The following CDC16 variants were observed in gnomAD, a reference collection of about 807,000 sequenced individuals.
The protein encoded by CDC16 is cell division cycle 16.
Under a neutral mutation model 87.0 loss-of-function variants are expected in CDC16, and 34 were observed. The observed-to-expected ratio is 0.39, with a 90% confidence interval of 0.30 to 0.52. The LOEUF is 0.52. Ranked by LOEUF, CDC16 falls within the 20% of genes least tolerant of loss-of-function variation. CDC16 has a pLI of 0.74. For synonymous variants in CDC16, 263 were observed against 260.6 expected (o/e 1.01, Z -0.09); for missense variants, 653 against 751.9 (o/e 0.87, Z 1.54).
chr13:114,251,846 C>T (rs533753003), intron 12 of CDC16, among the ~76,000 whole-genome samples: 3 of 152,350 alleles, frequency 2.0e-5, no homozygotes, highest in South Asian at 4.1e-4. Flanking sequence ...TCTGGTGTCT[C>T]TTCCTCTTGT....
intron 14 of CDC16, among the ~76,000 whole-genome samples, 180 bp downstream of exon 14, chr13:114,259,578 T>C (rs771882692): frequency 6.6e-6 from 1 of 152,182 alleles, no homozygotes; most frequent in African/African-American, 2.4e-5. Context: ...AGAAATGAGT[T>C]TTTTCCCTAA....
intron 12 of CDC16, among the ~76,000 whole-genome samples, chr13:114,255,036 CTACCTGT>C (rs1431400594): frequency 6.6e-6 from 1 of 152,110 alleles, no homozygotes; most frequent in African/African-American, 2.4e-5. Flanking sequence ...AATCTTAAAT[CTACCTGT>C]TACCTGGAAG....
rs144801022 is a variant in CDC16 at position 114,259,369 on chromosome 13, T to G, written c.1285T>G (p.Leu429Val). The G allele has an allele frequency of 1.5e-5, 23 of 1,576,368 alleles. No individual in the cohort carries two copies. In the African/African-American group the frequency reaches 2.5e-4, roughly 17 times the overall value. ...AGCCGAAAAATGGTTTCTTGATGCTTTGGAAAAAATTAAAGCAATTGGGAA... is the reference window on the plus strand; with the variant it reads ...AGCCGAAAAATGGTTTCTTGATGCTGTGGAAAAAATTAAAGCAATTGGGAA... The part of the protein sequence containing the change: ...KTAEKWFLDA[L>V]EKIKAIGNEV... The change falls in exon 14 of 18, where the codon TTG becomes GTG. Residue 429 changes from leucine to valine, a missense_variant. Transcript: ENST00000356221.
At chr13:114,242,008 C>A in intron 5 of CDC16, 113 bp from the exon 6 acceptor site, 1 of 1,230,168 alleles carries the variant, frequency 8.1e-7, no homozygotes, top group Non-Finnish European at 1.1e-6. Flanking sequence ...GCTATGATCG[C>A]ACCACTGAAC....
At chr13:114,236,524 G>C in intron 1 of CDC16, 121 bp from the exon 2 acceptor site, 1 of 852,442 alleles carries the variant, frequency 1.2e-6, no homozygotes, top group Non-Finnish European at 1.6e-6. Flanking sequence ...GTCTTGAGAT[G>C]AAGATTTATT....
Position 114,262,909 on chromosome 13 carries a change from T to G in CDC16, c.1407T>G (p.Arg469=), listed in dbSNP as rs2082940950. 1 of 1,614,136 alleles carries G rather than the reference T, an allele frequency of 6.2e-7. No homozygotes were observed. Among genetic ancestry groups the G allele is most frequent in the Admixed American group, 1.7e-5 (1 of 60,028 alleles). The change falls in exon 16 of 18, where the codon CGT becomes CGG. Residue 469 remains arginine, a synonymous_variant. Coordinates refer to ENST00000356221, the MANE Select transcript of CDC16 (RefSeq NM_001078645.3). Reference sequence around the variant, plus strand: ...ATGCTGAGGCCTTGGATTACCACCGTCAGGCACTGGTGTTGATTCCTCAGA... The same window carrying G: ...ATGCTGAGGCCTTGGATTACCACCGGCAGGCACTGGTGTTGATTCCTCAGA... ...KKYAEALDYH[R]QALVLIPQNA...
intron 17 of CDC16, among the ~76,000 whole-genome samples, 177 bp from the exon 18 acceptor site, chr13:114,272,007 A>G (rs1036456579): frequency 1.3e-5 from 2 of 152,226 alleles, no homozygotes; most frequent in Non-Finnish European, 2.9e-5. Context: ...TAAAAGTATA[A>G]TTTGACTTAA....
At chr13:114,239,555 A>G in intron 5 of CDC16, 65 bp downstream of exon 5, 2 of 1,416,384 alleles carry the variant, frequency 1.4e-6, no homozygotes, top group Non-Finnish European at 1.9e-6. Flanking sequence ...CGTGGCAGAA[A>G]CACATTATCT....
intron 16 of CDC16, among the ~76,000 whole-genome samples, chr13:114,263,295 A>T (rs2082965003): frequency 6.6e-6 from 1 of 152,216 alleles, no homozygotes; most frequent in South Asian, 2.1e-4. Context: ...TTATCTGTCC[A>T]CAGTAGCCCC....
Position 114,234,920 on chromosome 13 carries a change from G to A in CDC16, c.-165G>A, listed in dbSNP as rs1473094797. 5 of 408,220 alleles carry A rather than the reference G, an allele frequency of 1.2e-5. No individual in the cohort carries two copies. Among genetic ancestry groups the A allele is most frequent in the Admixed American group, 4.5e-5 (1 of 22,204 alleles). 25.3% of individuals were successfully genotyped at this position (408,220 alleles called of 1,614,324 possible). ...GCAGTGCACGGGGCCTGGGTGGGGG[G>A]TGCGGGTGTGGGTGGGGACCTGCGG... On this transcript the variant is annotated 5_prime_UTR_variant, in exon 1 of 18. The change creates a new upstream start codon in the 5' untranslated region. Coordinates refer to ENST00000356221, the MANE Select transcript of CDC16 (RefSeq NM_001078645.3).
chr13:114,246,026 G>A lies in CDC16; in HGVS notation c.874G>A (p.Val292Met), dbSNP rs1249699115. Residue 292 changes from valine to methionine, a missense_variant, in exon 10 of 18, where the codon GTG becomes ATG. Transcript: ENST00000356221. ...ACTTTTCTATCTTTCTCATAAACTG[G>A]TGGATTTATATCCTAGTAATCCTGT... ...NELFYLSHKL[V>M]DLYPSNPVSW... 6.7e-7 allele frequency: 1 copy of A among 1,499,232 alleles called. No individual in the cohort carries two copies. Among genetic ancestry groups the A allele is most frequent in the South Asian group, 1.2e-5 (1 of 83,586 alleles). The allele number at this position is 1,499,232 out of a possible 1,614,324, so 92.9% of individuals were successfully genotyped here.
At chr13:114,259,266 C>A (rs2082696744) in intron 13 of CDC16, 69 bp from the exon 14 acceptor site, 3 of 1,113,960 alleles carry the variant, frequency 2.7e-6, no homozygotes, top group South Asian at 1.5e-5. Flanking sequence ...GAAAGGTAAT[C>A]AAAAATTTTT....
At chr13:114,237,156 G>A (rs2081293569) in intron 3 of CDC16, among the ~76,000 whole-genome samples, 2 of 151,950 alleles carry the variant, frequency 1.3e-5, no homozygotes, top group African/African-American at 2.4e-5. Context: ...CCTGGGAGGT[G>A]GAGGTTGCAG....
At chr13:114,248,040 A>G (rs562990057) in intron 11 of CDC16, among the ~76,000 whole-genome samples, 57 of 152,332 alleles carry the variant, frequency 3.7e-4, no homozygotes, top group African/African-American at 1.3e-3. Context: ...TTTATGTAAA[A>G]TTGGGGTCAC....
At chr13:114,247,087 A>T in intron 11 of CDC16, 83 bp downstream of exon 11, 1 of 805,306 alleles carries the variant, frequency 1.2e-6, no homozygotes. Context: ...ATTAGTGAGT[A>T]CTTTAAAAGC....
chr13:114,247,357 C>T (rs923082944), intron 11 of CDC16: 11 of 208,072 alleles, frequency 5.3e-5, no homozygotes, highest in African/African-American at 1.2e-4. Context: ...TTAGTAGAGA[C>T]GAATCTCACT....
At chr13:114,260,799 A>G (rs145529312) in intron 14 of CDC16, among the ~76,000 whole-genome samples, 4 of 152,216 alleles carry the variant, frequency 2.6e-5, no homozygotes, top group African/African-American at 4.8e-5. Flanking sequence ...TTTTTCATTC[A>G]CATGGGCTGT....
At chr13:114,249,217 T>C (rs1265638587) in intron 11 of CDC16, among the ~76,000 whole-genome samples, 1 of 151,752 alleles carries the variant, frequency 6.6e-6, no homozygotes, top group Non-Finnish European at 1.5e-5. Flanking sequence ...CCCTCACATG[T>C]GCAGTTAACA....
intron 5 of CDC16, among the ~76,000 whole-genome samples, chr13:114,241,916 A>G (rs1027050866): frequency 3.3e-5 from 5 of 152,042 alleles, no homozygotes; most frequent in African/African-American, 9.7e-5. Context: ...TGTTTGTGGT[A>G]TTGTGCACCT....
Sources: gnomAD v4.1 joint callset for allele counts (sites outside exome capture counted in the v4.1 genomes callset) on GRCh38, gnomAD v4.1.1 for gene constraint, MANE v1.5 for transcripts, NCBI Gene and HGNC (gene_info 2026-07-23, HGNC 2026-07-21) for gene names.